Variants in PLCE1 observed in about 807,000 individuals in gnomAD.
PLCE1 encodes 1-phosphatidylinositol 4,5-bisphosphate phosphodiesterase epsilon-1.
PLCE1 carries 119 observed loss-of-function variants against 242.8 expected under a neutral mutation model. The ratio of observed to expected loss-of-function variants is 0.49; its 90% CI spans 0.42 to 0.57. The LOEUF (loss-of-function observed/expected upper bound fraction) is 0.57. Ranked by LOEUF, PLCE1 falls within the 20% of genes least tolerant of loss-of-function variation. The pLI is 0.00. For missense variants in PLCE1, 2,441 were observed against 2,788.8 expected, an observed-to-expected ratio of 0.88 and a Z score of 2.81; for synonymous variants, 945 against 1,017.4, an observed-to-expected ratio of 0.93 and a Z score of 1.35.
chr10:94,118,765 G>A (rs545426364), intron 2 of PLCE1, among the ~76,000 whole-genome samples: 57 of 152,210 alleles, frequency 3.7e-4, no homozygotes, highest in African/African-American at 1.3e-3. Context: ...CCGTGAAAAC[G>A]GACTAATACG....
chr10:94,224,105 T>C lies in PLCE1; in HGVS notation c.1810-3201T>C, dbSNP rs201114351. On this transcript the variant is annotated intron_variant, in intron 4 of 32. Transcript: ENST00000371380. Reference sequence around the variant, plus strand: ...AAACAGATGTTGGGGTGTGTGTGCGTGTGTGTGTGTGTGTGTGGTGTGTCT... The same window carrying C: ...AAACAGATGTTGGGGTGTGTGTGCGCGTGTGTGTGTGTGTGTGGTGTGTCT... 1.6e-4 allele frequency among the ~76,000 whole-genome samples: 8 copies of C among 51,142 alleles called. 1 individual carries two copies. In the South Asian group the frequency reaches 2.3e-3, roughly 15 times the overall value. The allele number at this position is 51,142 out of a possible 152,430, so 33.6% of individuals were successfully genotyped here. A position where few individuals can be genotyped will look rare whatever the true frequency, so the allele number is the denominator to read the frequency against.
chr10:94,303,521 C>G (rs1046143786), intron 24 of PLCE1, among the ~76,000 whole-genome samples: 2 of 151,938 alleles, frequency 1.3e-5, no homozygotes, highest in Middle Eastern at 3.2e-3. Flanking sequence ...TATTTTTTTT[C>G]TTGTTTACGA....
At chr10:94,307,211 A>G (rs752729743) in intron 26 of PLCE1, among the ~76,000 whole-genome samples, 5 of 152,184 alleles carry the variant, frequency 3.3e-5, no homozygotes, top group Non-Finnish European at 7.3e-5. Context: ...CAGCCTGTGC[A>G]TTGTTTTTAA....
At chr10:94,018,701 T>C (rs2061325067) in intron 1 of PLCE1, among the ~76,000 whole-genome samples, 2 of 152,216 alleles carry the variant, frequency 1.3e-5, no homozygotes. Context: ...GTTCATATCC[T>C]AATTTTTTTC....
rs1157780589 is a variant in PLCE1 at position 93,994,058 on chromosome 10, G to A, written c.-565G>A. Among the ~76,000 whole-genome samples, 1 of 84,706 alleles carries A rather than the reference G, an allele frequency of 1.2e-5. No individual in the cohort carries two copies. Among genetic ancestry groups the A allele is most frequent in the Non-Finnish European group, 2.9e-5 (1 of 34,638 alleles). The allele number at this position is 84,706 out of a possible 152,430, so 55.6% of individuals were successfully genotyped here. A position where few individuals can be genotyped will look rare whatever the true frequency, so the allele number is the denominator to read the frequency against. On this transcript the variant is annotated 5_prime_UTR_variant, in exon 1 of 33. Transcript: ENST00000371380. The stretch of plus-strand genomic sequence containing the variant: ...CGGGAGGGGCAGCGGCGGCGCGCCC[G>A]GGCTCTACCTCCCGGGCTCTGCCTC...
chr10:94,212,735 A>T (rs1343644107), intron 4 of PLCE1, among the ~76,000 whole-genome samples: 1 of 152,224 alleles, frequency 6.6e-6, no homozygotes, highest in East Asian at 1.9e-4. Flanking sequence ...ATCTGGGTAG[A>T]ACATGTGCCC....
intron 5 of PLCE1, among the ~76,000 whole-genome samples, chr10:94,233,821 G>C (rs138796172): frequency 2.4e-3 from 361 of 152,004 alleles, no homozygotes; most frequent in African/African-American, 7.5e-3. Flanking sequence ...AGTGGCGCGC[G>C]CCTATAATCC....
At chr10:94,296,868 A>C (rs568328920) in intron 23 of PLCE1, among the ~76,000 whole-genome samples, 42 of 150,504 alleles carry the variant, frequency 2.8e-4, no homozygotes, top group Middle Eastern at 3.4e-3. Flanking sequence ...CTAGCTTTTT[A>C]TTTCTTTCTT....
chr10:94,289,913 CTT>C (rs1448396460), intron 22 of PLCE1, among the ~76,000 whole-genome samples: 2 of 152,012 alleles, frequency 1.3e-5, no homozygotes, highest in African/African-American at 4.8e-5. Flanking sequence ...CTTACTGTAA[CTT>C]TATATTTTAT....
At chr10:94,201,574 C>T (rs1417797394) in intron 4 of PLCE1, among the ~76,000 whole-genome samples, 2 of 152,202 alleles carry the variant, frequency 1.3e-5, no homozygotes, top group Non-Finnish European at 2.9e-5. Flanking sequence ...CTCCTGGGTT[C>T]ACGCCATTCT....
chr10:94,025,457 TAA>T (rs2061439824), intron 1 of PLCE1, among the ~76,000 whole-genome samples: 1 of 152,206 alleles, frequency 6.6e-6, no homozygotes. Context: ...GCCTGATAGA[TAA>T]TACATGCTCA....
At chr10:94,183,806 T>A (rs1234389789) in intron 4 of PLCE1, among the ~76,000 whole-genome samples, 2 of 151,974 alleles carry the variant, frequency 1.3e-5, no homozygotes, top group African/African-American at 4.8e-5. Context: ...GGGGCAAGAA[T>A]GAGAGCAAGA....
At chr10:94,117,365 C>G (rs2046164459) in intron 2 of PLCE1, among the ~76,000 whole-genome samples, 1 of 152,208 alleles carries the variant, frequency 6.6e-6, no homozygotes, top group South Asian at 2.1e-4. Flanking sequence ...TCCTTTTCTT[C>G]CAGCTCAGCA....
At chr10:94,279,482 A>G in intron 19 of PLCE1, 1 of 423,816 alleles carries the variant, frequency 2.4e-6, no homozygotes, top group Non-Finnish European at 4.3e-6. Flanking sequence ...TGGTTCTCCA[A>G]ATCACCAAAG....
Position 94,262,716 on chromosome 10 carries a change from T to C in PLCE1, c.4037T>C (p.Ile1346Thr). 1 of 1,611,444 alleles carries C rather than the reference T, an allele frequency of 6.2e-7. No individual in the cohort carries two copies. The highest frequency in any genetic ancestry group is 8.5e-7 in the Non-Finnish European group (1 of 1,177,500). ...CQGEHCTYDE[I>T]LSIIQKFEPS... ...GGAGAACACTGCACTTATGATGAAATCCTCAGCATCATCCAGGTTTGTGCC... is the reference window on the plus strand; with the variant it reads ...GGAGAACACTGCACTTATGATGAAACCCTCAGCATCATCCAGGTTTGTGCC... The change falls in exon 14 of 33, where the codon ATC becomes ACC. Residue 1346 changes from isoleucine (I) to threonine (T), a missense_variant. Transcript: ENST00000371380.
At chr10:94,140,684 T>C (rs2046928304) in intron 3 of PLCE1, among the ~76,000 whole-genome samples, 1 of 152,404 alleles carries the variant, frequency 6.6e-6, no homozygotes, top group Admixed American at 6.5e-5. Flanking sequence ...TTATAACTCG[T>C]AAATACTTTA....
Position 94,325,049 on chromosome 10 carries a change from C to T in PLCE1, c.6878C>T (p.Ser2293Phe). ...GAGGAGAAACCTGTGGGTGGCTTGT[C>T]CTCCAGTGACACAATGGATTACCGA... ...TKEEKPVGGL[S>F]SSDTMDYRQ The change falls in exon 32 of 33, where the codon TCC becomes TTC. Residue 2293 changes from serine (S) to phenylalanine (F), a missense_variant. Coordinates refer to ENST00000371380, the MANE Select transcript of PLCE1 (RefSeq NM_016341.4). 1 of 1,614,188 alleles carries T rather than the reference C, an allele frequency of 6.2e-7. No homozygotes were observed.
intron 2 of PLCE1, among the ~76,000 whole-genome samples, chr10:94,117,096 G>A (rs371811782): frequency 5.8e-4 from 88 of 152,228 alleles, no homozygotes; most frequent in African/African-American, 1.9e-3. Flanking sequence ...CTCCAATCAT[G>A]AGCACAACAT....
At chr10:94,097,593 T>G (rs1329152038) in intron 2 of PLCE1, among the ~76,000 whole-genome samples, 3 of 152,188 alleles carry the variant, frequency 2.0e-5, no homozygotes, top group Non-Finnish European at 4.4e-5. Flanking sequence ...TGAAAGGTAG[T>G]AAGGCGGAGC....
Sources: allele counts gnomAD v4.1 joint callset (sites outside exome capture counted in the v4.1 genomes callset), GRCh38; gene constraint gnomAD v4.1.1; transcripts MANE v1.5; gene names NCBI Gene and HGNC (gene_info 2026-07-23, HGNC 2026-07-21).